Variants in KDM4C observed in about 807,000 individuals in gnomAD.
KDM4C encodes lysine demethylase 4C, also known as lysine-specific demethylase 4C.
In KDM4C, 81 loss-of-function variants were observed where a neutral mutation model predicts 129.3. That is an observed-to-expected ratio of 0.63 (90% CI 0.52 to 0.75). The LOEUF (loss-of-function observed/expected upper bound fraction) is 0.75. KDM4C is among the 30% of genes least tolerant of loss of function. KDM4C has a pLI of 0.00. For synonymous variants in KDM4C, 573 were observed against 456.1 expected, an observed-to-expected ratio of 1.26 and a Z score of -3.26; for missense variants, 1,457 against 1,304.0, an observed-to-expected ratio of 1.12 and a Z score of -1.81.
intron 19 of KDM4C, among the ~76,000 whole-genome samples, chr9:7,157,882 G>T (rs1046691693): frequency 6.6e-6 from 1 of 152,186 alleles, no homozygotes; most frequent in Non-Finnish European, 1.5e-5. Flanking sequence ...AATGAGTTAG[G>T]GAGGAGTCCC....
chr9:6,936,280 C>G (rs1475063483), intron 8 of KDM4C, among the ~76,000 whole-genome samples: 1 of 152,160 alleles, frequency 6.6e-6, no homozygotes, highest in Non-Finnish European at 1.5e-5. Context: ...TAGAAAGATA[C>G]TACCCCATGC....
At chr9:7,014,174 C>CT in intron 14 of KDM4C, 173 bp downstream of exon 14, 1 of 576,550 alleles carries the variant, frequency 1.7e-6, no homozygotes, top group Non-Finnish European at 3.0e-6. Context: ...TATATTCATC[C>CT]TTTTTTCACC....
At chr9:7,089,229 C>T (rs953264526) in intron 17 of KDM4C, among the ~76,000 whole-genome samples, 13 of 150,382 alleles carry the variant, frequency 8.6e-5, no homozygotes, top group Non-Finnish European at 1.5e-4. Flanking sequence ...TTGTAGAATC[C>T]TCACAGGTGT....
intron 15 of KDM4C, among the ~76,000 whole-genome samples, chr9:7,022,352 T>C (rs1020125999): frequency 1.3e-5 from 2 of 152,182 alleles, no homozygotes; most frequent in African/African-American, 2.4e-5. Context: ...ATAGTTTTCA[T>C]TGTAGAGATC....
rs533200331 is a variant in KDM4C at position 7,075,183 on chromosome 9, C to T, written c.2424+25983C>T. 5.3e-5 allele frequency among the ~76,000 whole-genome samples: 8 copies of T among 152,286 alleles called. No homozygotes were observed. The East Asian group carries it at 1.2e-3, about 22-fold the overall frequency. On this transcript the variant is annotated intron_variant, in intron 17 of 21. Transcript: ENST00000381309. ...GTGTTTTGTTCAGCATCCCCCAGAA[C>T]GGATCCCAGCGCATAATACCTCTTT...
intron 5 of KDM4C, among the ~76,000 whole-genome samples, chr9:6,852,805 AC>A (rs1839094741): frequency 6.6e-6 from 1 of 152,020 alleles, no homozygotes; most frequent in East Asian, 1.9e-4. Context: ...TTCCCTCCTT[AC>A]TTACGGGCCC....
chr9:6,795,690 G>T (rs895656443), intron 2 of KDM4C, among the ~76,000 whole-genome samples: 88 of 143,556 alleles, frequency 6.1e-4, no homozygotes, highest in East Asian at 4.1e-4. Context: ...CTTTTTTTTT[G>T]AGACAGTGTC....
intron 8 of KDM4C, among the ~76,000 whole-genome samples, chr9:6,934,449 G>C (rs113507367): frequency 0.25 from 38,000 of 149,392 alleles, 5,287 homozygotes; most frequent in South Asian, 0.4. Flanking sequence ...CACCGCACTC[G>C]AGACTGGGTG....
At chr9:7,065,956 C>T (rs1832362179) in intron 17 of KDM4C, among the ~76,000 whole-genome samples, 1 of 150,010 alleles carries the variant, frequency 6.7e-6, no homozygotes, top group Admixed American at 6.7e-5. Context: ...CTATATTTGA[C>T]ACCTGTTGCT....
intron 5 of KDM4C, among the ~76,000 whole-genome samples, chr9:6,874,373 C>T (rs561401602): frequency 1.2e-4 from 18 of 152,220 alleles, no homozygotes; most frequent in South Asian, 4.1e-4. Context: ...TTAAAAGCCC[C>T]GGGTTTTTTT....
rs7852054 is a variant in KDM4C at position 6,949,060 on chromosome 9, T to C, written c.922-31865T>C. Among the ~76,000 whole-genome samples the C allele has an allele frequency of 6.5e-3, 894 of 138,314 alleles. 9 individuals are homozygous for C. The highest frequency in any genetic ancestry group is 0.023 in the African/African-American group (849 of 36,176). 90.7% of individuals were successfully genotyped at this position (138,314 alleles called of 152,430 possible). ...CTCCTCACTTCCCAGAAGGGGCGGC[T>C]GGGCAGAGGCGCCCCCCATCTCCCG... On this transcript the variant is annotated intron_variant, in intron 8 of 21. Transcript: ENST00000381309.
intron 1 of KDM4C, among the ~76,000 whole-genome samples, chr9:6,763,028 G>A (rs574193756): frequency 1.3e-5 from 2 of 151,750 alleles, no homozygotes; most frequent in African/African-American, 2.4e-5. Flanking sequence ...TTACCCTTCC[G>A]CTGGTGGGGG....
At chr9:7,034,146 A>G (rs138649080) in intron 15 of KDM4C, among the ~76,000 whole-genome samples, 4 of 152,248 alleles carry the variant, frequency 2.6e-5, no homozygotes, top group South Asian at 4.1e-4. Flanking sequence ...AGTACATACA[A>G]TGTATAGTGA....
At chr9:7,035,693 C>T (rs904298216) in intron 15 of KDM4C, among the ~76,000 whole-genome samples, 3 of 152,052 alleles carry the variant, frequency 2.0e-5, no homozygotes, top group African/African-American at 7.2e-5. Context: ...TACTTTCATT[C>T]TTCTGCATGT....
intron 8 of KDM4C, among the ~76,000 whole-genome samples, chr9:6,932,145 A>G (rs1471812380): frequency 6.6e-6 from 1 of 152,186 alleles, no homozygotes; most frequent in Non-Finnish European, 1.5e-5. Flanking sequence ...GTCATCAGGC[A>G]TGTACTTCAT....
intron 17 of KDM4C, among the ~76,000 whole-genome samples, chr9:7,058,219 T>A (rs1308145726): frequency 6.6e-6 from 1 of 152,198 alleles, no homozygotes; most frequent in Non-Finnish European, 1.5e-5. Context: ...GGGGGATAAA[T>A]CACTGTTTGG....
intron 1 of KDM4C, among the ~76,000 whole-genome samples, chr9:6,777,639 A>ATTTTTTTTT (rs552861246): frequency 6.6e-6 from 1 of 150,562 alleles, no homozygotes; most frequent in African/African-American, 2.4e-5. Context: ...TGAAGTTAAA[A>ATTTTTTTTT]TTTTTTTTTT....
chr9:7,032,968 C>G (rs970423980), intron 15 of KDM4C, among the ~76,000 whole-genome samples: 2 of 152,108 alleles, frequency 1.3e-5, no homozygotes, highest in Admixed American at 6.5e-5. Flanking sequence ...TTTCCCAGAA[C>G]TGGATAACGT....
At chr9:7,149,204 G>A (rs1253834156) in intron 19 of KDM4C, among the ~76,000 whole-genome samples, 2 of 152,266 alleles carry the variant, frequency 1.3e-5, no homozygotes, top group Admixed American at 6.5e-5. Context: ...TGCTGAGACA[G>A]TCTGGGGTCT....
Sources: allele counts gnomAD v4.1 joint callset (sites outside exome capture counted in the v4.1 genomes callset), GRCh38; gene constraint gnomAD v4.1.1; transcripts MANE v1.5; gene names NCBI Gene and HGNC (gene_info 2026-07-23, HGNC 2026-07-21).